Variants in PTPRR observed in about 807,000 individuals in gnomAD.
The protein encoded by PTPRR is receptor-type tyrosine-protein phosphatase R.
In PTPRR, 38 loss-of-function variants were observed where a neutral mutation model predicts 77.2. The observed-to-expected ratio is 0.49, with a 90% CI of 0.38 to 0.65. The LOEUF (loss-of-function observed/expected upper bound fraction) is 0.65, where lower values mean the gene tolerates loss of function less well. PTPRR is among the 30% of genes least tolerant of loss of function. The probability of loss-of-function intolerance (pLI) is 0.00; values close to 1 mark genes in which losing one functional copy is unlikely to be tolerated. For synonymous variants in PTPRR, 299 were observed against 283.1 expected (o/e 1.06, Z -0.57); for missense variants, 744 against 799.2 (o/e 0.93, Z 0.83).
At chr12:70,810,438 T>A (rs1218364724) in intron 2 of PTPRR, among the ~76,000 whole-genome samples, 1 of 152,194 alleles carries the variant, frequency 6.6e-6, no homozygotes, top group African/African-American at 2.4e-5. Flanking sequence ...TTTTCCCTCA[T>A]TTTCTAGGTA....
At chr12:70,832,242 G>A (rs1324342422) in intron 2 of PTPRR, among the ~76,000 whole-genome samples, 2 of 152,190 alleles carry the variant, frequency 1.3e-5, no homozygotes, top group African/African-American at 4.8e-5. Flanking sequence ...GGCTAGACAA[G>A]TATGTAAGTA....
rs1352972686 is a variant in PTPRR, at chr12:70,860,039, T to C, written c.357+32640A>G. Among the ~76,000 whole-genome samples the C allele has an allele frequency of 3.3e-5, 5 of 152,176 alleles. No individual in the cohort carries two copies. In the East Asian group the frequency reaches 9.7e-4, roughly 29 times the overall value. ...TTTTTCCCCCTCCTCAGGGGTTAAGTTTAAACTCTTCCCTTTCATAAAGCT... is the reference window on the plus strand; with the variant it reads ...TTTTTCCCCCTCCTCAGGGGTTAAGCTTAAACTCTTCCCTTTCATAAAGCT... On this transcript the variant is annotated intron_variant, in intron 2 of 13. Transcript: ENST00000283228.
At chr12:70,908,258 G>A (rs1893651434) in intron 1 of PTPRR, among the ~76,000 whole-genome samples, 1 of 152,138 alleles carries the variant, frequency 6.6e-6, no homozygotes, top group South Asian at 2.1e-4. Context: ...TGATACTACA[G>A]AGACATTAAT....
chr12:70,669,321 A>C (rs151324322), intron 10 of PTPRR, among the ~76,000 whole-genome samples: 1 of 151,550 alleles, frequency 6.6e-6, no homozygotes, highest in African/African-American at 2.4e-5. Flanking sequence ...CATCCACTCA[A>C]CCTCCCAAAC....
At chr12:70,913,284 A>G (rs986465227) in intron 1 of PTPRR, among the ~76,000 whole-genome samples, 2 of 152,156 alleles carry the variant, frequency 1.3e-5, no homozygotes, top group Non-Finnish European at 2.9e-5. Flanking sequence ...AATGTATACA[A>G]CCACTCAAAT....
chr12:70,803,635 C>T (rs1891656576), intron 2 of PTPRR, among the ~76,000 whole-genome samples: 1 of 151,992 alleles, frequency 6.6e-6, no homozygotes, highest in African/African-American at 2.4e-5. Flanking sequence ...ACAATGCTGC[C>T]CATGGAGAAA....
intron 8 of PTPRR, among the ~76,000 whole-genome samples, chr12:70,697,651 T>A (rs1292071946): frequency 6.6e-6 from 1 of 151,312 alleles, no homozygotes; most frequent in Non-Finnish European, 1.5e-5. Flanking sequence ...CATAAAGATT[T>A]ACAGCTGTTT....
At chr12:70,656,644 T>C in intron 13 of PTPRR, 60 bp downstream of exon 13, 1 of 1,188,482 alleles carries the variant, frequency 8.4e-7, no homozygotes, top group Non-Finnish European at 1.3e-6. Flanking sequence ...GAAGTCAGGC[T>C]GATGAGATCA....
At chr12:70,781,753 C>T (rs919128962) in intron 2 of PTPRR, among the ~76,000 whole-genome samples, 1 of 152,096 alleles carries the variant, frequency 6.6e-6, no homozygotes, top group Non-Finnish European at 1.5e-5. Flanking sequence ...AGGATAAAGA[C>T]AGGATGGTAA....
intron 2 of PTPRR, among the ~76,000 whole-genome samples, chr12:70,881,441 A>C (rs1156585135): frequency 6.6e-6 from 1 of 151,778 alleles, no homozygotes; most frequent in Non-Finnish European, 1.5e-5. Context: ...ACATACACAC[A>C]CCTCTTCCCA....
At chr12:70,819,509 A>C (rs1240206950) in intron 2 of PTPRR, among the ~76,000 whole-genome samples, 1 of 152,188 alleles carries the variant, frequency 6.6e-6, no homozygotes, top group Non-Finnish European at 1.5e-5. Flanking sequence ...TTTCACTTCA[A>C]TTTATTACAC....
At chr12:70,792,077 A>C (rs1891430936) in intron 2 of PTPRR, among the ~76,000 whole-genome samples, 1 of 152,126 alleles carries the variant, frequency 6.6e-6, no homozygotes, top group African/African-American at 2.4e-5. Flanking sequence ...CTGAAGCATA[A>C]CTCTTCAACT....
chr12:70,914,808 G>A (rs1328565708), intron 1 of PTPRR, among the ~76,000 whole-genome samples: 1 of 152,038 alleles, frequency 6.6e-6, no homozygotes, highest in African/African-American at 2.4e-5. Context: ...GGGCAACAGA[G>A]TGAGGCCCTG....
chr12:70,709,133 A>G (rs1433303913), intron 6 of PTPRR, among the ~76,000 whole-genome samples: 1 of 152,166 alleles, frequency 6.6e-6, no homozygotes, highest in Non-Finnish European at 1.5e-5. Context: ...ACTGTGATCA[A>G]GTAGGCTTTA....
chr12:70,704,929 G>A (rs1888562804), intron 6 of PTPRR, among the ~76,000 whole-genome samples: 1 of 152,092 alleles, frequency 6.6e-6, no homozygotes, highest in African/African-American at 2.4e-5. Context: ...CATGATTGCT[G>A]TTGGACAAAA....
chr12:70,854,954 T>C (rs923280024), intron 2 of PTPRR, among the ~76,000 whole-genome samples: 1 of 152,216 alleles, frequency 6.6e-6, no homozygotes, highest in South Asian at 2.1e-4. Context: ...AGGCAGGGGT[T>C]GCAAACTCAA....
intron 6 of PTPRR, among the ~76,000 whole-genome samples, chr12:70,714,401 G>T (rs1172983425): frequency 1.3e-5 from 2 of 151,886 alleles, no homozygotes; most frequent in Non-Finnish European, 2.9e-5. Context: ...CCACAATTTG[G>T]GTTATGTACC....
chr12:70,724,865 G>A (rs1043001187), intron 6 of PTPRR, among the ~76,000 whole-genome samples: 5 of 152,044 alleles, frequency 3.3e-5, no homozygotes, highest in South Asian at 2.1e-4. Context: ...GGCTATTTTG[G>A]TGGTGCAACT....
At chr12:70,877,634 G>T (rs1302512057) in intron 2 of PTPRR, among the ~76,000 whole-genome samples, 1 of 152,086 alleles carries the variant, frequency 6.6e-6, no homozygotes, top group Non-Finnish European at 1.5e-5. Flanking sequence ...CCATGCTCAC[G>T]GGTAGGAAGA....
Sources: allele counts gnomAD v4.1 joint callset (sites outside exome capture counted in the v4.1 genomes callset), GRCh38; gene constraint gnomAD v4.1.1; transcripts MANE v1.5; gene names NCBI Gene and HGNC (gene_info 2026-07-23, HGNC 2026-07-21).